Variants in EFCAB10 observed in about 807,000 individuals in gnomAD.
EFCAB10 encodes the protein EF-hand calcium binding domain 10, also known as EF-hand calcium-binding domain-containing protein 10.
A neutral mutation model predicts 7.7 loss-of-function variants in EFCAB10; 7 were observed. That is an observed-to-expected ratio of 0.91 (90% confidence interval 0.52 to 1.72). EFCAB10 has a LOEUF of 1.72. Ranked by LOEUF, EFCAB10 falls within the 40% of genes most tolerant of loss-of-function variation. The probability of loss-of-function intolerance (pLI) is 0.00; values close to 1 mark genes in which losing one functional copy is unlikely to be tolerated. For synonymous variants in EFCAB10, 52 were observed against 21.0 expected (o/e 2.47, Z -4.03); for missense variants, 112 against 61.5 (o/e 1.82, Z -2.74).
chr7:105,573,865 G>A (rs1319409143), intron 1 of EFCAB10, among the ~76,000 whole-genome samples: 1 of 152,106 alleles, frequency 6.6e-6, no homozygotes, highest in Non-Finnish European at 1.5e-5. Context: ...AATATGGGAA[G>A]CATCTTCAAT....
chr7:105,568,580 T>C, intron 3 of EFCAB10, among the ~76,000 whole-genome samples: 1 of 152,296 alleles, frequency 6.6e-6, no homozygotes, highest in Admixed American at 6.5e-5. Context: ...CTCAAAATGT[T>C]TCTGTTTGTT....
intron 1 of EFCAB10, among the ~76,000 whole-genome samples, chr7:105,577,244 G>A (rs1428427318): frequency 6.6e-6 from 1 of 152,126 alleles, no homozygotes; most frequent in Non-Finnish European, 1.5e-5. Flanking sequence ...TGCCAGATGG[G>A]TGCAAGGCTT....
rs1262999211 is a variant in EFCAB10 at position 105,567,284 on chromosome 7, G to C, written c.383+183C>G. On this transcript the variant is annotated intron_variant, in intron 4 of 4. Coordinates refer to ENST00000480514, the MANE Select transcript of EFCAB10 (RefSeq NM_001355526.2). ...ATGTTGAGATTCTACTTAATTTGAG[G>C]ACAAATTGGCCTAATACTGGAAAAT... 1.2e-6 allele frequency: 2 copies of C among 1,606,554 alleles called. No individual in the cohort carries two copies. The highest frequency in any genetic ancestry group is 1.3e-5 in the African/African-American group (1 of 74,506).
rs1421100481 is a variant in EFCAB10 at position 105,581,293 on chromosome 7, G to A, written c.106+65C>T. ...AGTGGAAAGCGAATGTGTAAGAGGG[G>A]GGTTTCGTGTGGGAAGCGAACCCCA... On this transcript the variant is annotated intron_variant, in intron 1 of 4. Transcript: ENST00000480514. 5 of 689,436 alleles carry A rather than the reference G, an allele frequency of 7.3e-6. No individual in the cohort carries two copies. The African/African-American group carries it at 8.8e-5, about 12-fold the overall frequency. The allele number at this position is 689,436 out of a possible 1,614,324, so 42.7% of individuals were successfully genotyped here.
chr7:105,569,287 A>C lies in EFCAB10; in HGVS notation c.275T>G (p.Leu92Arg), dbSNP rs1258592645. 1 of 700,844 alleles carries C rather than the reference A, an allele frequency of 1.4e-6. No individual in the cohort carries two copies. The highest frequency in any genetic ancestry group is 2.6e-6 in the Non-Finnish European group (1 of 384,640). The allele number at this position is 700,844 out of a possible 1,614,324, so 43.4% of individuals were successfully genotyped here. The change falls in exon 3 of 5, where the codon CTA (leucine) becomes CGA (arginine). Residue 92 changes from leucine to arginine, a missense_variant. Leu to Arg is a moderately radical substitution (Grantham distance 102). Coordinates refer to ENST00000480514, the MANE Select transcript of EFCAB10 (RefSeq NM_001355526.2). ...TISFVQYKEA[L>R]KTLGLCTEDE... is the part of the protein sequence containing the mutation. ...TTCAGTGCATAGACCCAGGGTTTTT[A>C]GGGCTGTAAAATAATGAGAAGAAAT...
intron 1 of EFCAB10, among the ~76,000 whole-genome samples, chr7:105,569,942 G>C (rs1218457452): frequency 6.6e-6 from 1 of 151,748 alleles, no homozygotes; most frequent in African/African-American, 2.4e-5. Flanking sequence ...TAAATAATAG[G>C]CTGGGCATGG....
At chr7:105,578,804 A>G (rs1792149975) in intron 1 of EFCAB10, among the ~76,000 whole-genome samples, 2 of 152,144 alleles carry the variant, frequency 1.3e-5, no homozygotes, top group African/African-American at 4.8e-5. Flanking sequence ...ACAGAGTCTC[A>G]CTCTGTTGCT....
At chr7:105,567,003 T>A (rs1486296733) in intron 4 of EFCAB10, 5 of 525,424 alleles carry the variant, frequency 9.5e-6, no homozygotes, top group Non-Finnish European at 1.6e-5. Context: ...ATAAATATTT[T>A]TATAGAGAAC....
intron 1 of EFCAB10, chr7:105,571,789 A>G (rs1230688229): frequency 6.6e-6 from 1 of 151,946 alleles, no homozygotes; most frequent in African/African-American, 2.4e-5. Flanking sequence ...TCCACCTTAC[A>G]GTCCTGATTT....
At chr7:105,573,065 C>T (rs1285675803) in intron 1 of EFCAB10, 1 of 151,350 alleles carries the variant, frequency 6.6e-6, no homozygotes, top group African/African-American at 2.4e-5. Context: ...CCTTATCAGA[C>T]ATATAGTTTG....
chr7:105,567,795 G>C, intron 3 of EFCAB10: 1 of 280,692 alleles, frequency 3.6e-6, no homozygotes, highest in Non-Finnish European at 6.7e-6. Context: ...ACTTTGGGAG[G>C]CTGAGGTAGG....
chr7:105,566,258 AAT>A (rs1307502749), intron 4 of EFCAB10: 1 of 152,186 alleles, frequency 6.6e-6, no homozygotes. Flanking sequence ...AAAAATTACA[AAT>A]ATGTTTAATA....
intron 1 of EFCAB10, among the ~76,000 whole-genome samples, chr7:105,577,556 G>A (rs1314698512): frequency 6.8e-6 from 1 of 146,184 alleles, no homozygotes; most frequent in African/African-American, 2.5e-5. Flanking sequence ...AACCGAGATG[G>A]CCAAATGGAG....
intron 1 of EFCAB10, among the ~76,000 whole-genome samples, chr7:105,578,314 G>C (rs1280223083): frequency 2.0e-5 from 3 of 151,980 alleles, no homozygotes; most frequent in Admixed American, 2.0e-4. Context: ...ATAACAATTT[G>C]GTAAATTCTC....
chr7:105,574,034 C>A (rs1792008110), intron 1 of EFCAB10, among the ~76,000 whole-genome samples: 1 of 151,778 alleles, frequency 6.6e-6, no homozygotes, highest in Admixed American at 6.6e-5. Context: ...AATTCATATT[C>A]CCTCTTTATA....
intron 1 of EFCAB10, among the ~76,000 whole-genome samples, chr7:105,574,423 G>A (rs1792022817): frequency 6.6e-6 from 1 of 151,914 alleles, no homozygotes; most frequent in East Asian, 1.9e-4. Flanking sequence ...ATGGCAGAAG[G>A]CACAGAGGAG....
intron 1 of EFCAB10, among the ~76,000 whole-genome samples, chr7:105,578,885 GC>G (rs1315277418): frequency 1.5e-4 from 23 of 152,146 alleles, no homozygotes; most frequent in African/African-American, 5.6e-4. Flanking sequence ...TGATTCTCCT[GC>G]CAGAGTCTCC....
At chr7:105,574,492 CT>C (rs113880887) in intron 1 of EFCAB10, among the ~76,000 whole-genome samples, 19 of 147,296 alleles carry the variant, frequency 1.3e-4, no homozygotes, top group African/African-American at 1.5e-4. Flanking sequence ...AGGGAAGCTC[CT>C]TTTTTTTTTG....
Position 105,581,384 on chromosome 7 carries a change from G to T in EFCAB10, c.80C>A (p.Thr27Asn). The T allele has an allele frequency of 1.4e-6, 1 of 703,030 alleles. No individual in the cohort carries two copies. Among genetic ancestry groups the T allele is most frequent in the Non-Finnish European group, 2.6e-6 (1 of 385,006 alleles). The allele number at this position is 703,030 out of a possible 1,614,324, so 43.5% of individuals were successfully genotyped here. A position where few individuals can be genotyped will look rare whatever the true frequency, so the allele number is the denominator to read the frequency against. ...HQIKEVVSYL[T>N]SALLFFRPEK... The stretch of plus-strand genomic sequence containing the variant: ...CGGCCGAAAGAAAAGGAGGGCGCTG[G>T]TGAGGTAGCTAACCACCTCCTTGAT... The change falls in exon 1 of 5, where the codon ACC (threonine) becomes AAC (asparagine). Residue 27 changes from threonine (T) to asparagine (N), a missense_variant. Thr to Asn is a moderately conservative substitution (Grantham distance 65, BLOSUM62 0). Transcript: ENST00000480514.
Sources: allele counts gnomAD v4.1 joint callset (sites outside exome capture counted in the v4.1 genomes callset), GRCh38; gene constraint gnomAD v4.1.1; transcripts MANE v1.5; gene names NCBI Gene and HGNC (gene_info 2026-07-23, HGNC 2026-07-21).